The following CHRFAM7A variants were observed in gnomAD, a reference collection of about 807,000 sequenced individuals.
CHRFAM7A encodes the protein CHRNA7-FAM7A fusion protein.
In CHRFAM7A, 3 loss-of-function variants were observed where a neutral mutation model predicts 29.2. That is an observed-to-expected ratio of 0.10 (90% CI 0.05 to 0.27). CHRFAM7A has a LOEUF of 0.27. Ranked by LOEUF, CHRFAM7A falls within the 10% of genes least tolerant of loss-of-function variation. The pLI is 1.00. For synonymous variants in CHRFAM7A, 7 were observed against 135.4 expected (o/e 0.05, Z 6.58); for missense variants, 22 against 328.0 (o/e 0.07, Z 7.21).
At chr15:30,370,893 G>C (rs1481859182) in intron 8 of CHRFAM7A, among the ~76,000 whole-genome samples, 1 of 151,604 alleles carries the variant, frequency 6.6e-6, no homozygotes, top group Admixed American at 6.6e-5. Context: ...ATTTCTGTGA[G>C]ATAAAAGTCA....
chr15:30,372,463 A>AG lies in CHRFAM7A; in HGVS notation c.329-123dup, dbSNP rs1214429780. 112 of 221,998 alleles carry AG rather than the reference A, an allele frequency of 5.0e-4. 2 individuals carry two copies. The highest frequency in any genetic ancestry group is 5.0e-3 in the African/African-American group (29 of 5,780). The allele number at this position is 221,998 out of a possible 1,614,324, so 13.8% of individuals were successfully genotyped here. The stretch of plus-strand genomic sequence containing the variant: ...GTTTGCAAAGTGCTAAAAAAAAAAA[A>AG]GGGGGGGGTTGTAATTAGCTTGAAT... On this transcript the variant is annotated intron_variant, in intron 6 of 9. Coordinates refer to ENST00000299847, the MANE Select transcript of CHRFAM7A (RefSeq NM_139320.2).
chr15:30,376,183 T>C (rs1480641390), intron 5 of CHRFAM7A, among the ~76,000 whole-genome samples: 1 of 78,784 alleles, frequency 1.3e-5, no homozygotes, highest in Non-Finnish European at 2.7e-5. Context: ...GTGTGTGGTA[T>C]GTGTGAGTGG....
chr15:30,375,654 GGTGT>G (rs1300887562), intron 5 of CHRFAM7A, among the ~76,000 whole-genome samples: 5 of 148,794 alleles, frequency 3.4e-5, no homozygotes, highest in Admixed American at 2.0e-4. Context: ...GTGTGTAAGT[GGTGT>G]GTGTGAGGGG....
At position 30,377,627 on chromosome 15, in the gene CHRFAM7A, T is replaced by A. The variant is rs1458211963; in HGVS notation, c.81-518A>T. Among the ~76,000 whole-genome samples the A allele has an allele frequency of 3.0e-5, 4 of 133,024 alleles. 1 individual carries two copies. Among genetic ancestry groups the A allele is most frequent in the African/African-American group, 8.6e-5 (3 of 34,750 alleles). The allele number at this position is 133,024 out of a possible 152,430, so 87.3% of individuals were successfully genotyped here. On this transcript the variant is annotated intron_variant, in intron 4 of 9. Transcript: ENST00000299847. ...TCTTGCTGTGTTGCCCAGGCTAGAGTGCAGTGGCATGATCTCGGCTCACTG... is the reference window on the plus strand; with the variant it reads ...TCTTGCTGTGTTGCCCAGGCTAGAGAGCAGTGGCATGATCTCGGCTCACTG...
At chr15:30,367,158 C>T (rs1195341290) in intron 9 of CHRFAM7A, among the ~76,000 whole-genome samples, 47 of 150,920 alleles carry the variant, frequency 3.1e-4, no homozygotes, top group East Asian at 5.9e-4. Flanking sequence ...TGGTGGCAGG[C>T]GCCTGTAGTC....
At chr15:30,371,606 C>CTGAA (rs942801800) in intron 7 of CHRFAM7A, among the ~76,000 whole-genome samples, 1 of 149,852 alleles carries the variant, frequency 6.7e-6, no homozygotes, top group African/African-American at 2.5e-5. Flanking sequence ...TTCAACCTTT[C>CTGAA]TGAACCTCAT....
rs576659760 is a variant in CHRFAM7A at position 30,371,734 on chromosome 15, C to T, written c.523+413G>A. 5.3e-4 allele frequency among the ~76,000 whole-genome samples: 77 copies of T among 145,756 alleles called. 5 individuals are homozygous for T. The highest frequency in any genetic ancestry group is 1.0e-3 in the Non-Finnish European group (69 of 66,036). On this transcript the variant is annotated intron_variant, in intron 7 of 9. Transcript: ENST00000299847. ...TTCAAAATCTTGGTTTCCTTAGCTT[C>T]GTATGGGAGTGATTGTAAGAATTAC... is the stretch of plus-strand genomic sequence containing the variant.
upstream of CHRFAM7A, chr15:30,393,808 G>T (rs1324287723): frequency 1.2e-5 from 1 of 85,068 alleles, no homozygotes; most frequent in African/African-American, 3.5e-5. Context: ...CTGCCCGACC[G>T]ATCTGGTCCC....
Position 30,371,361 on chromosome 15 carries a change from C to T in CHRFAM7A, c.524-177G>A, listed in dbSNP as rs527608542. 5.1e-4 allele frequency among the ~76,000 whole-genome samples: 77 copies of T among 149,680 alleles called. 6 individuals carry two copies. Among genetic ancestry groups the T allele is most frequent in the African/African-American group, 1.9e-3 (76 of 40,056 alleles). Reference sequence around the variant, plus strand: ...TGCATTTTCCAGGGGACGTTCCATGCCACTTACCAGAGTCCCAAAGGAGTC... The same window carrying T: ...TGCATTTTCCAGGGGACGTTCCATGTCACTTACCAGAGTCCCAAAGGAGTC... On this transcript the variant is annotated intron_variant, in intron 7 of 9. Coordinates refer to ENST00000299847, the MANE Select transcript of CHRFAM7A (RefSeq NM_139320.2).
chr15:30,375,602 TTG>T (rs1249297576), intron 5 of CHRFAM7A, among the ~76,000 whole-genome samples: 101 of 145,318 alleles, frequency 7.0e-4, no homozygotes, highest in Middle Eastern at 3.9e-3. Context: ...TGTGTGAGGG[TTG>T]TGAGTCGTGT....
intron 9 of CHRFAM7A, among the ~76,000 whole-genome samples, 174 bp from the exon 10 acceptor site, chr15:30,362,985 G>A (rs1295734603): frequency 6.6e-6 from 1 of 151,222 alleles, no homozygotes; most frequent in Non-Finnish European, 1.5e-5. Context: ...AAGCAGTCGA[G>A]TTCAACGTGA....
At chr15:30,375,643 GGTGT>G (rs1218062202) in intron 5 of CHRFAM7A, among the ~76,000 whole-genome samples, 1 of 148,174 alleles carries the variant, frequency 6.7e-6, no homozygotes, top group African/African-American at 2.5e-5. Flanking sequence ...GTGTGAGAGT[GGTGT>G]GTAAGTGGTG....
chr15:30,367,168 C>T (rs1459223794), intron 9 of CHRFAM7A, among the ~76,000 whole-genome samples: 2 of 150,994 alleles, frequency 1.3e-5, no homozygotes, highest in Non-Finnish European at 3.0e-5. Flanking sequence ...CGCCTGTAGT[C>T]CCAGCTACTT....
intron 5 of CHRFAM7A, among the ~76,000 whole-genome samples, chr15:30,374,336 C>G (rs2058897874): frequency 1.0e-5 from 1 of 95,482 alleles, no homozygotes; most frequent in Non-Finnish European, 2.1e-5. Flanking sequence ...GACCCCACCC[C>G]ACAACCGAGT....
chr15:30,363,206 C>T (rs2058760208), intron 9 of CHRFAM7A, among the ~76,000 whole-genome samples: 2 of 145,156 alleles, frequency 1.4e-5, no homozygotes, highest in African/African-American at 5.2e-5. Flanking sequence ...TGTTAGGTGC[C>T]CTGGAAGGCC....
Position 30,361,988 on chromosome 15 carries a change from TGGGGAGC to T in CHRFAM7A, c.*298_*304del. 0.031 allele frequency: 149 copies of T among 4,820 alleles called. No homozygotes were observed. The highest frequency in any genetic ancestry group is 0.054 in the Non-Finnish European group (117 of 2,174). The allele number at this position is 4,820 out of a possible 1,614,324, so 0.3% of individuals were successfully genotyped here. ...CAACTGTCTCGGTGGTGAGGAGCCA[TGGGGAGC>T]TCTCCGAAGGGCTTTCCAGGCAGTG... On this transcript the variant is annotated 3_prime_UTR_variant, in exon 10 of 10. Transcript: ENST00000299847.
intron 9 of CHRFAM7A, among the ~76,000 whole-genome samples, 157 bp from the exon 10 acceptor site, chr15:30,362,968 G>C (rs1435178140): frequency 2.0e-5 from 3 of 150,994 alleles, no homozygotes; most frequent in Non-Finnish European, 4.4e-5. Flanking sequence ...CAGTGCTTGC[G>C]TATGACAAGC....
chr15:30,388,802 T>TGGG (rs1416811672), intron 1 of CHRFAM7A, among the ~76,000 whole-genome samples: 1 of 131,610 alleles, frequency 7.6e-6, no homozygotes, highest in Non-Finnish European at 1.6e-5. Context: ...TGAACTATGA[T>TGGG]GGTGCCACTG....
intron 6 of CHRFAM7A, 122 bp from the exon 7 acceptor site, chr15:30,372,463 AGGGGGGGGTTGT>A: frequency 9.0e-6 from 2 of 221,966 alleles, no homozygotes; most frequent in Non-Finnish European, 1.4e-5. Context: ...AAAAAAAAAA[AGGGGGGGGTTGT>A]AATTAGCTTG....
Sources: gnomAD v4.1 joint callset for allele counts (sites outside exome capture counted in the v4.1 genomes callset) on GRCh38, gnomAD v4.1.1 for gene constraint, MANE v1.5 for transcripts, NCBI Gene and HGNC (gene_info 2026-07-23, HGNC 2026-07-21) for gene names.